Variants in ARB2A observed in about 807,000 individuals in gnomAD.
The protein encoded by ARB2A is cotranscriptional regulator ARB2A.
the ARB2A span, among the ~76,000 whole-genome samples, chr5:94,090,212 T>C: frequency 5.9e-5 from 9 of 152,196 alleles, no homozygotes; most frequent in Admixed American, 5.2e-4. Context: ...GAGCAGTGGT[T>C]TGTAGTTCTC....
At chr5:93,647,587 G>T in the ARB2A span, among the ~76,000 whole-genome samples, 2 of 152,016 alleles carry the variant, frequency 1.3e-5, no homozygotes. Context: ...CCCAGAGCAC[G>T]ATCTCAGCCC....
chr5:93,910,519 T>TA, the ARB2A span, among the ~76,000 whole-genome samples: 5 of 151,448 alleles, frequency 3.3e-5, no homozygotes, highest in East Asian at 9.7e-4. Context: ...CCACATTGCT[T>TA]AAAAAAGACA....
the ARB2A span, chr5:93,863,766 T>C: frequency 3.3e-5 from 5 of 152,164 alleles, no homozygotes; most frequent in African/African-American, 7.2e-5. Context: ...ATTCAAACTA[T>C]TGACATAATT....
chr5:93,810,462 G>A, the ARB2A span, among the ~76,000 whole-genome samples: 1 of 151,986 alleles, frequency 6.6e-6, no homozygotes. Context: ...GAGTACAGTG[G>A]TCCAACCACG....
chr5:93,851,510 A>T, the ARB2A span, among the ~76,000 whole-genome samples: 22 of 152,222 alleles, frequency 1.4e-4, no homozygotes, highest in East Asian at 4.1e-3. Context: ...TGTGCAGGTT[A>T]GTTACACATG....
the ARB2A span, among the ~76,000 whole-genome samples, chr5:93,643,845 G>A: frequency 5.3e-5 from 8 of 152,164 alleles, no homozygotes; most frequent in Non-Finnish European, 1.0e-4. Context: ...GTTTTAATAT[G>A]TATTTCTAAT....
chr5:93,684,679 A>G, the ARB2A span, among the ~76,000 whole-genome samples: 104 of 152,332 alleles, frequency 6.8e-4, no homozygotes, highest in African/African-American at 2.5e-3. Context: ...TCTGTTTTTA[A>G]GAGATCCAGT....
At chr5:93,679,473 A>T in the ARB2A span, among the ~76,000 whole-genome samples, 1 of 152,124 alleles carries the variant, frequency 6.6e-6, no homozygotes, top group Non-Finnish European at 1.5e-5. Context: ...AAAATGATAT[A>T]CTTCAAATTG....
At chr5:93,668,363 C>T in the ARB2A span, among the ~76,000 whole-genome samples, 1 of 152,176 alleles carries the variant, frequency 6.6e-6, no homozygotes, top group African/African-American at 2.4e-5. Flanking sequence ...ACTCAGCCTC[C>T]AAAAAGTGCT....
chr5:94,083,823 TA>T, the ARB2A span, among the ~76,000 whole-genome samples: 1,652 of 132,694 alleles, frequency 0.012, 12 homozygotes, highest in Non-Finnish European at 0.019. Context: ...CAAGGTCCTC[TA>T]AAAAAAAAAA....
chr5:93,828,624 T>C, the ARB2A span, among the ~76,000 whole-genome samples: 1 of 152,204 alleles, frequency 6.6e-6, no homozygotes, highest in South Asian at 2.1e-4. Flanking sequence ...AGCCTAGTAG[T>C]GACCTGTAGG....
the ARB2A span, among the ~76,000 whole-genome samples, chr5:93,830,351 A>ATC: frequency 1.4e-4 from 19 of 138,942 alleles, no homozygotes; most frequent in South Asian, 2.3e-3. Context: ...ATATATATAT[A>ATC]TCCACACACA....
At chr5:93,840,768 T>C in the ARB2A span, among the ~76,000 whole-genome samples, 1 of 152,192 alleles carries the variant, frequency 6.6e-6, no homozygotes, top group Admixed American at 6.6e-5. Context: ...CAGAGATTAA[T>C]TAATTAATTA....
chr5:93,670,169 A>G, the ARB2A span, among the ~76,000 whole-genome samples: 1 of 152,188 alleles, frequency 6.6e-6, no homozygotes, highest in Non-Finnish European at 1.5e-5. Context: ...CCAAGTCACC[A>G]TAATTGCCTG....
the ARB2A span, among the ~76,000 whole-genome samples, chr5:93,727,450 A>G: frequency 2.0e-3 from 302 of 152,190 alleles, 2 homozygotes; most frequent in African/African-American, 5.8e-3. Flanking sequence ...TTCTACCTGA[A>G]GTTGAGTTAC....
At chr5:93,683,508 G>T in the ARB2A span, 1 of 1,566,576 alleles carries the variant, frequency 6.4e-7, no homozygotes, top group Non-Finnish European at 8.7e-7. Context: ...ACTTTAATTG[G>T]ACTGCCTTCG....
At chr5:93,682,182 T>C in the ARB2A span, among the ~76,000 whole-genome samples, 1 of 151,236 alleles carries the variant, frequency 6.6e-6, no homozygotes, top group Admixed American at 6.6e-5. Context: ...AATTAATAAA[T>C]TTGGCAAAAC....
At chr5:93,899,269 C>A in the ARB2A span, among the ~76,000 whole-genome samples, 1 of 152,232 alleles carries the variant, frequency 6.6e-6, no homozygotes, top group East Asian at 1.9e-4. Flanking sequence ...CATCTACCTA[C>A]AAACTCTGTC....
the ARB2A span, among the ~76,000 whole-genome samples, chr5:93,858,173 CAT>C: frequency 6.6e-6 from 1 of 152,182 alleles, no homozygotes. Flanking sequence ...TATGACAACA[CAT>C]GTGAAAAGTT....
Sources: allele counts gnomAD v4.1 joint callset (sites outside exome capture counted in the v4.1 genomes callset), GRCh38; gene constraint gnomAD v4.1.1; transcripts MANE v1.5; gene names NCBI Gene and HGNC (gene_info 2026-07-23, HGNC 2026-07-21).